The following ANKDD1B variants were observed in gnomAD, a reference collection of about 807,000 sequenced individuals.
ANKDD1B encodes the protein ankyrin repeat and death domain-containing protein 1B.
Under a neutral mutation model 59.7 loss-of-function variants are expected in ANKDD1B, and 57 were observed. The observed-to-expected ratio is 0.95, with a 90% CI of 0.77 to 1.19. ANKDD1B has a LOEUF of 1.19. Among genes scored for constraint, ANKDD1B ranks in the 50% most tolerant of loss-of-function variants. ANKDD1B has a pLI of 0.00. For missense variants in ANKDD1B, 602 were observed against 641.9 expected, an observed-to-expected ratio of 0.94 and a Z score of 0.67; for synonymous variants, 216 against 239.5, an observed-to-expected ratio of 0.90 and a Z score of 0.91.
chr5:75,670,415 C>T (rs1383558358), intron 13 of ANKDD1B, among the ~76,000 whole-genome samples: 1 of 152,144 alleles, frequency 6.6e-6, no homozygotes, highest in Admixed American at 6.5e-5. Flanking sequence ...ATGTTAACAT[C>T]GTTCTCAAAC....
intron 11 of ANKDD1B, among the ~76,000 whole-genome samples, chr5:75,664,148 G>C (rs1775242698): frequency 6.6e-6 from 1 of 152,148 alleles, no homozygotes. Flanking sequence ...AGGCTGCGTG[G>C]CTACCCCTGG....
In ANKDD1B at chr5:75,659,311, C is replaced by G. The variant is rs1052162053; in HGVS notation, c.1025C>G (p.Ala342Gly). ...CAGCAAACCCCTCTGCATGTAGCTG[C>G]TGATCGTGGAAATGTGGAACTGGTG... The part of the protein sequence containing the change: ...QKQQTPLHVA[A>G]DRGNVELVET... Residue 342 changes from alanine (A) to glycine (G), a missense_variant, in exon 10 of 14, where the codon GCT (alanine) becomes GGT (glycine). This residue lies in a region of ANKDD1B where 280 missense variants were observed against 319.8 expected (regional missense o/e 0.88). Coordinates refer to ENST00000601380, the MANE Select transcript of ANKDD1B (RefSeq NM_001276713.2). The G allele has an allele frequency of 2.0e-6, 3 of 1,536,076 alleles. No individual in the cohort carries two copies. In the African/African-American group the frequency reaches 4.1e-5, roughly 21 times the overall value.
At chr5:75,664,430 A>C (rs1226180937) in intron 11 of ANKDD1B, among the ~76,000 whole-genome samples, 1 of 152,068 alleles carries the variant, frequency 6.6e-6, no homozygotes, top group Non-Finnish European at 1.5e-5. Context: ...TGCTTGTAAA[A>C]CTTTTTATTT....
chr5:75,663,383 T>C lies in ANKDD1B; in HGVS notation c.1096-11T>C. 6.5e-7 allele frequency: 1 copy of C among 1,535,426 alleles called. No homozygotes were observed. The highest frequency in any genetic ancestry group is 2.4e-5 in the East Asian group (1 of 40,906). ...CATATCACCTGAATTTTTTTTCTTT[T>C]TTAATTTTAGCAAGGAAAGACTGCC... is the stretch of plus-strand genomic sequence containing the variant. On this transcript the variant is annotated splice_polypyrimidine_tract_variant and intron_variant, in intron 10 of 13. Transcript: ENST00000601380.
chr5:75,663,352 C>G (rs1484054373), intron 10 of ANKDD1B, 42 bp from the exon 11 acceptor site: 1 of 1,415,516 alleles, frequency 7.1e-7, no homozygotes, highest in African/African-American at 1.4e-5. Flanking sequence ...CTCCTAATCA[C>G]TAGGCCATAT....
At chr5:75,642,278 A>G (rs943521143) in intron 7 of ANKDD1B, among the ~76,000 whole-genome samples, 2 of 152,102 alleles carry the variant, frequency 1.3e-5, no homozygotes, top group Non-Finnish European at 2.9e-5. Flanking sequence ...TCCGGTCTAC[A>G]GCTCCCAGCG....
chr5:75,638,808 G>A (rs546814583), intron 7 of ANKDD1B, among the ~76,000 whole-genome samples: 3 of 152,124 alleles, frequency 2.0e-5, no homozygotes, highest in Non-Finnish European at 4.4e-5. Context: ...AGACACATCT[G>A]ATGGATTTTA....
chr5:75,614,699 T>C (rs573990546), intron 1 of ANKDD1B, among the ~76,000 whole-genome samples: 1 of 152,338 alleles, frequency 6.6e-6, no homozygotes, highest in South Asian at 2.1e-4. Flanking sequence ...GTCCATTGGA[T>C]ACACCTCAAC....
At chr5:75,641,221 G>C (rs2111958977) in intron 7 of ANKDD1B, among the ~76,000 whole-genome samples, 1 of 152,292 alleles carries the variant, frequency 6.6e-6, no homozygotes. Context: ...ATTTGGAAAA[G>C]TTAAGGAAAT....
At chr5:75,638,822 C>T (rs1209070508) in intron 7 of ANKDD1B, among the ~76,000 whole-genome samples, 1 of 152,244 alleles carries the variant, frequency 6.6e-6, no homozygotes, top group South Asian at 2.1e-4. Context: ...GATTTTACTA[C>T]CAGTTTCCTT....
At chr5:75,632,786 C>T (rs1202423458) in intron 5 of ANKDD1B, among the ~76,000 whole-genome samples, 1 of 152,186 alleles carries the variant, frequency 6.6e-6, no homozygotes, top group African/African-American at 2.4e-5. Flanking sequence ...TCGGTTACTA[C>T]ATTACATTAT....
At chr5:75,626,498 A>G (rs1396180563) in intron 5 of ANKDD1B, among the ~76,000 whole-genome samples, 2 of 152,238 alleles carry the variant, frequency 1.3e-5, no homozygotes, top group Admixed American at 1.3e-4. Context: ...GGCACCTACC[A>G]ATGCTCAACA....
At chr5:75,654,035 T>G (rs1245371051) in intron 8 of ANKDD1B, among the ~76,000 whole-genome samples, 2 of 152,144 alleles carry the variant, frequency 1.3e-5, no homozygotes, top group African/African-American at 2.4e-5. Flanking sequence ...GCTTAGTGCT[T>G]CAAGGAGGTT....
rs375893 is a variant in ANKDD1B, at chr5:75,611,563, T to C, written c.-72T>C. 7.6e-6 allele frequency: 9 copies of C among 1,181,908 alleles called. No individual in the cohort carries two copies. In the African/African-American group the frequency reaches 1.4e-4, roughly 19 times the overall value. 73.2% of individuals were successfully genotyped at this position (1,181,908 alleles called of 1,614,324 possible). A position where few individuals can be genotyped will look rare whatever the true frequency, so the allele number is the denominator to read the frequency against. ...CTGGGCCTGCCTGGGTCTGGATCTG[T>C]GTCCGAGTCTGGGTCTGGATCTGGG... On this transcript the variant is annotated 5_prime_UTR_variant, in exon 1 of 14. Transcript: ENST00000601380.
At chr5:75,628,803 C>G (rs1024795825) in intron 5 of ANKDD1B, among the ~76,000 whole-genome samples, 1 of 152,110 alleles carries the variant, frequency 6.6e-6, no homozygotes, top group African/African-American at 2.4e-5. Flanking sequence ...ATCATTGAGG[C>G]CTTTCCAGGG....
At chr5:75,669,029 C>G (rs567462297) in intron 12 of ANKDD1B, among the ~76,000 whole-genome samples, 1 of 152,218 alleles carries the variant, frequency 6.6e-6, no homozygotes, top group Non-Finnish European at 1.5e-5. Flanking sequence ...CTTGTACACT[C>G]CTTTGGGTGT....
chr5:75,641,719 A>C (rs915159253), intron 7 of ANKDD1B, among the ~76,000 whole-genome samples: 1 of 152,248 alleles, frequency 6.6e-6, no homozygotes, highest in Non-Finnish European at 1.5e-5. Context: ...ATTCCCAATC[A>C]AGAATAAAGT....
intron 2 of ANKDD1B, among the ~76,000 whole-genome samples, chr5:75,619,825 C>T (rs998143372): frequency 6.6e-6 from 1 of 152,196 alleles, no homozygotes; most frequent in Non-Finnish European, 1.5e-5. Context: ...TTCCTCCCTT[C>T]CTTCTTCCTT....
At chr5:75,638,625 A>G (rs11960771) in intron 7 of ANKDD1B, among the ~76,000 whole-genome samples, 13,694 of 152,196 alleles carry the variant, frequency 0.09, 1,505 homozygotes, top group African/African-American at 0.26. Context: ...GCAGTTTTGT[A>G]TTTTCTCTAA....
Sources: allele counts gnomAD v4.1 joint callset (sites outside exome capture counted in the v4.1 genomes callset), GRCh38; gene constraint gnomAD v4.1.1; regional missense constraint gnomAD v4.1.1; transcripts MANE v1.5; gene names NCBI Gene and HGNC (gene_info 2026-07-23, HGNC 2026-07-21).